The following CEP128 variants were observed in gnomAD, a reference collection of about 807,000 sequenced individuals.
The protein encoded by CEP128 is centrosomal protein 128.
CEP128 carries 132 observed loss-of-function variants against 156.7 expected under a neutral mutation model. The observed-to-expected ratio is 0.84, with a 90% CI of 0.73 to 0.97. CEP128 has a LOEUF of 0.97. Among genes scored for constraint, CEP128 ranks in the 50% least tolerant of loss-of-function variants. The pLI is 0.00. For missense variants in CEP128, 1,252 were observed against 1,281.9 expected (o/e 0.98, Z 0.36); for synonymous variants, 469 against 448.9 (o/e 1.04, Z -0.57).
At chr14:80,638,276 C>CA (rs1894270450) in intron 19 of CEP128, among the ~76,000 whole-genome samples, 1 of 152,122 alleles carries the variant, frequency 6.6e-6, no homozygotes, top group Non-Finnish European at 1.5e-5. Flanking sequence ...TACTTTAGGC[C>CA]ACGTAAAACT....
chr14:80,865,353 T>C (rs1282189475), intron 8 of CEP128, among the ~76,000 whole-genome samples: 1 of 152,212 alleles, frequency 6.6e-6, no homozygotes, highest in Non-Finnish European at 1.5e-5. Flanking sequence ...GATACTTAAA[T>C]TGTTTCCATA....
At chr14:80,911,209 A>G (rs6574609) in intron 4 of CEP128, among the ~76,000 whole-genome samples, 55,073 of 152,184 alleles carry the variant, frequency 0.36, 10,373 homozygotes, top group South Asian at 0.51. Context: ...TTAAAACATT[A>G]TAATTCAGGC....
rs1461261161 is a variant in CEP128 at position 80,656,273 on chromosome 14, TTTTATTTATATATATATTTATATA to T, written c.2807-75874_2807-75851del. On this transcript the variant is annotated intron_variant, in intron 19 of 24. Coordinates refer to ENST00000555265, the MANE Select transcript of CEP128 (RefSeq NM_152446.5). Reference sequence around the variant, plus strand: ...CAAGTATTTCTCAATAAACCTAAGTTTTTATTTATATATATATTTATATATATATATATATATATATATATATAT... The same window carrying T: ...CAAGTATTTCTCAATAAACCTAAGTTTATATATATATATATATATATATAT... Among the ~76,000 whole-genome samples, 80 of 51,324 alleles carry T rather than the reference TTTTATTTATATATATATTTATATA, an allele frequency of 1.6e-3. 2 individuals are homozygous for T. Among genetic ancestry groups the T allele is most frequent in the African/African-American group, 4.8e-3 (77 of 16,072 alleles). 33.7% of individuals were successfully genotyped at this position (51,324 alleles called of 152,430 possible).
intron 20 of CEP128, among the ~76,000 whole-genome samples, chr14:80,562,391 G>A (rs1890724438): frequency 1.3e-5 from 2 of 152,036 alleles, no homozygotes; most frequent in South Asian, 2.1e-4. Context: ...TAAGATACCA[G>A]CCATTGTAGT....
chr14:80,813,937 C>T (rs927302344), intron 13 of CEP128, among the ~76,000 whole-genome samples: 7 of 152,234 alleles, frequency 4.6e-5, no homozygotes, highest in South Asian at 2.1e-4. Flanking sequence ...ATTTTTGTTG[C>T]GCAGAAATTA....
chr14:80,825,396 A>G (rs1345645082), intron 13 of CEP128, among the ~76,000 whole-genome samples: 1 of 152,258 alleles, frequency 6.6e-6, no homozygotes, highest in Non-Finnish European at 1.5e-5. Flanking sequence ...GGCGTGAGCC[A>G]TCATGCCCAG....
intron 19 of CEP128, among the ~76,000 whole-genome samples, chr14:80,733,937 T>C (rs1358362762): frequency 6.6e-6 from 1 of 152,204 alleles, no homozygotes; most frequent in Non-Finnish European, 1.5e-5. Context: ...TTTTATTAAA[T>C]TTACTAAGTG....
chr14:80,935,783 TACTAATAATTCA>T (rs932616047), intron 2 of CEP128, among the ~76,000 whole-genome samples: 1 of 151,116 alleles, frequency 6.6e-6, no homozygotes, highest in Non-Finnish European at 1.5e-5. Flanking sequence ...TAAGCAATAA[TACTAATAATTCA>T]ACAATTAAAT....
intron 19 of CEP128, among the ~76,000 whole-genome samples, chr14:80,584,223 T>C (rs1293575283): frequency 1.4e-5 from 2 of 142,196 alleles, no homozygotes; most frequent in African/African-American, 2.7e-5. Flanking sequence ...CTCGGCTCAC[T>C]GAAACCTCCA....
At chr14:80,664,000 C>T (rs1408270186) in intron 19 of CEP128, among the ~76,000 whole-genome samples, 2 of 152,190 alleles carry the variant, frequency 1.3e-5, no homozygotes, top group Non-Finnish European at 2.9e-5. Context: ...CAGCAGCCCC[C>T]AATATAAATA....
At chr14:80,731,396 CATAAG>C (rs571301883) in intron 19 of CEP128, among the ~76,000 whole-genome samples, 18 of 152,260 alleles carry the variant, frequency 1.2e-4, no homozygotes, top group Admixed American at 4.6e-4. Flanking sequence ...TTAAGAGTTA[CATAAG>C]ATAATACATT....
intron 14 of CEP128, among the ~76,000 whole-genome samples, chr14:80,789,408 C>T (rs1250058470): frequency 6.6e-6 from 1 of 152,070 alleles, no homozygotes; most frequent in Non-Finnish European, 1.5e-5. Context: ...AAATTAGACG[C>T]TGAAGTAGAA....
At chr14:80,772,336 C>T (rs1900554272) in intron 16 of CEP128, among the ~76,000 whole-genome samples, 2 of 152,052 alleles carry the variant, frequency 1.3e-5, no homozygotes, top group South Asian at 4.2e-4. Context: ...ATCTGAACAT[C>T]GAGAGGAGTT....
intron 19 of CEP128, among the ~76,000 whole-genome samples, chr14:80,724,868 CTTG>C (rs974431836): frequency 1.3e-5 from 2 of 150,922 alleles, no homozygotes; most frequent in Non-Finnish European, 3.0e-5. Flanking sequence ...GCCTCCTTGC[CTTG>C]TTGTTTGCTC....
chr14:80,905,122 G>C (rs1566706543), intron 5 of CEP128, among the ~76,000 whole-genome samples, 191 bp from the exon 6 acceptor site: 1 of 151,824 alleles, frequency 6.6e-6, no homozygotes, highest in Non-Finnish European at 1.5e-5. Context: ...TCTTAAAGCA[G>C]ATAAAATGAA....
intron 15 of CEP128, among the ~76,000 whole-genome samples, chr14:80,783,501 T>C (rs1281820415): frequency 6.6e-6 from 1 of 152,178 alleles, no homozygotes; most frequent in Non-Finnish European, 1.5e-5. Flanking sequence ...GTAAAGTTCT[T>C]AGAGCAGTGA....
At chr14:80,547,334 C>T (rs1489503032) in intron 21 of CEP128, among the ~76,000 whole-genome samples, 2 of 152,186 alleles carry the variant, frequency 1.3e-5, no homozygotes, top group Non-Finnish European at 2.9e-5. Context: ...AATTTTCTTC[C>T]TCTTCACTTT....
chr14:80,877,691 C>A (rs1010988532), intron 8 of CEP128, among the ~76,000 whole-genome samples: 3 of 152,162 alleles, frequency 2.0e-5, no homozygotes, highest in Non-Finnish European at 2.9e-5. Context: ...ATCTCATCCC[C>A]CCAGTTGGGG....
intron 18 of CEP128, among the ~76,000 whole-genome samples, chr14:80,751,655 A>C (rs991312321): frequency 6.9e-6 from 1 of 144,534 alleles, no homozygotes; most frequent in East Asian, 2.0e-4. Context: ...TTTGAGATGG[A>C]GTCTCACTCT....
Sources: gnomAD v4.1 joint callset for allele counts (sites outside exome capture counted in the v4.1 genomes callset) on GRCh38, gnomAD v4.1.1 for gene constraint, MANE v1.5 for transcripts, NCBI Gene and HGNC (gene_info 2026-07-23, HGNC 2026-07-21) for gene names.